DACH2: variants seen among roughly 807,000 people sequenced by gnomAD.
The protein encoded by DACH2 is dachshund family transcription factor 2, also known as dachshund homolog 2.
In DACH2, 17 loss-of-function variants were observed where a neutral mutation model predicts 35.8. The ratio of observed to expected loss-of-function variants is 0.48; its 90% CI spans 0.33 to 0.71. The LOEUF (loss-of-function observed/expected upper bound fraction) is 0.71. Among genes scored for constraint, DACH2 ranks in the 30% least tolerant of loss-of-function variants. DACH2 has a pLI of 0.02. For synonymous variants in DACH2, 195 were observed against 177.3 expected (o/e 1.10, Z -0.79); for missense variants, 469 against 472.7 (o/e 0.99, Z 0.07).
chrX:86,622,275 A>G (rs1307899231), intron 3 of DACH2, among the ~76,000 whole-genome samples: 1 of 111,965 alleles, frequency 8.9e-6, no homozygotes, highest in Non-Finnish European at 1.9e-5. Context: ...TATTTATTTT[A>G]TTTCATTTTC....
chrX:86,161,216 T>A (rs2030743231), intron 1 of DACH2: 12 of 1,184,951 alleles, frequency 1.0e-5, no homozygotes, highest in Non-Finnish European at 1.2e-5. Flanking sequence ...CAATTAGTTG[T>A]TTCACATCCA....
intron 1 of DACH2, among the ~76,000 whole-genome samples, chrX:86,361,384 A>C (rs1376717153): frequency 9.0e-6 from 1 of 111,611 alleles, no homozygotes; most frequent in Non-Finnish European, 1.9e-5. Flanking sequence ...TTTTCATTTC[A>C]TTATTTTATA....
chrX:86,293,733 A>T (rs1569334856), intron 1 of DACH2, among the ~76,000 whole-genome samples: 1 of 111,020 alleles, frequency 9.0e-6, no homozygotes. Flanking sequence ...CTTTTCTTTA[A>T]GAATGTTGAA....
intron 6 of DACH2, among the ~76,000 whole-genome samples, chrX:86,731,671 A>T (rs1224637218): frequency 2.7e-5 from 3 of 111,924 alleles, no homozygotes; most frequent in African/African-American, 9.7e-5. Context: ...TCAGCATGTA[A>T]ATATTGGTAA....
chrX:86,380,575 CT>C (rs2036031405), intron 2 of DACH2, among the ~76,000 whole-genome samples: 1 of 110,305 alleles, frequency 9.1e-6, no homozygotes, highest in East Asian at 2.9e-4. Context: ...CTGAGAAAAA[CT>C]TGTGGATCAA....
At position 86,813,192 on chromosome X, in the gene DACH2, G is replaced by T. The variant is rs1191515074; in HGVS notation, c.1452G>T (p.Lys484Asn). 8.3e-7 allele frequency: 1 copy of T among 1,207,754 alleles called. No homozygotes were observed. The highest frequency in any genetic ancestry group is 1.8e-5 in the South Asian group (1 of 56,191). Reference sequence around the variant, plus strand: ...AGGAGAAGCAGATTCAACAAGAAAAGAAGGAGCTGCGACTGGAGCTCTATA... The same window carrying T: ...AGGAGAAGCAGATTCAACAAGAAAATAAGGAGCTGCGACTGGAGCTCTATA... ...RIQEKQIQQE[K>N]KELRLELYRE... Residue 484 changes from lysine to asparagine, a missense_variant, in exon 9 of 12, where the codon AAG becomes AAT. Around this residue, in one of 3 missense-constraint regions of DACH2, gnomAD observed 363 missense variants for 334.4 expected, o/e 1.09. Transcript: ENST00000373125.
chrX:86,463,201 G>A (rs1431922655), intron 2 of DACH2, among the ~76,000 whole-genome samples: 1 of 110,212 alleles, frequency 9.1e-6, no homozygotes, highest in Non-Finnish European at 1.9e-5. Flanking sequence ...ATATTTTCTT[G>A]TATAAGATGA....
intron 1 of DACH2, among the ~76,000 whole-genome samples, chrX:86,317,307 TC>T (rs1336362159): frequency 2.7e-5 from 3 of 110,555 alleles, no homozygotes; most frequent in Non-Finnish European, 5.7e-5. Context: ...TCTTACTTTC[TC>T]CAAAAAAACG....
At chrX:86,299,048 A>G (rs2034522671) in intron 1 of DACH2, among the ~76,000 whole-genome samples, 1 of 111,826 alleles carries the variant, frequency 8.9e-6, no homozygotes, top group African/African-American at 3.2e-5. Flanking sequence ...CTTAATTTGT[A>G]TCTTTAGATT....
intron 1 of DACH2, among the ~76,000 whole-genome samples, chrX:86,321,811 G>A (rs186216047): frequency 2.7e-4 from 30 of 112,374 alleles, no homozygotes; most frequent in East Asian, 1.7e-3. Flanking sequence ...TGGAAAGCCT[G>A]TATATATTTA....
chrX:86,817,675 T>G (rs750694874), intron 11 of DACH2, among the ~76,000 whole-genome samples: 21 of 111,878 alleles, frequency 1.9e-4, no homozygotes, highest in African/African-American at 6.8e-4. Context: ...GTAACATCTT[T>G]CTTAACTCTG....
chrX:86,700,233 T>C (rs767667773), intron 5 of DACH2, among the ~76,000 whole-genome samples: 2 of 111,547 alleles, frequency 1.8e-5, no homozygotes, highest in South Asian at 7.4e-4. Flanking sequence ...GTGTATTCTG[T>C]TGTCTTTGGT....
At chrX:86,528,926 T>C (rs1423030266) in intron 3 of DACH2, among the ~76,000 whole-genome samples, 1 of 112,540 alleles carries the variant, frequency 8.9e-6, no homozygotes, top group African/African-American at 3.2e-5. Flanking sequence ...ATTTATCATT[T>C]CTATGTGTTG....
At chrX:86,726,686 AC>A (rs1569474479) in intron 6 of DACH2, among the ~76,000 whole-genome samples, 2 of 111,556 alleles carry the variant, frequency 1.8e-5, no homozygotes, top group Admixed American at 1.9e-4. Context: ...CTGGAGCAAC[AC>A]CTCTGCACAA....
At chrX:86,378,276 A>T (rs1255883922) in intron 2 of DACH2, among the ~76,000 whole-genome samples, 1 of 110,096 alleles carries the variant, frequency 9.1e-6, no homozygotes, top group Admixed American at 9.8e-5. Context: ...CATTTATTGC[A>T]ATCAGAGAAA....
intron 1 of DACH2, among the ~76,000 whole-genome samples, chrX:86,328,140 T>C (rs1005971449): frequency 4.5e-5 from 5 of 111,671 alleles, no homozygotes; most frequent in Non-Finnish European, 7.5e-5. Context: ...ACTCCAAGCA[T>C]ACTAACTTTC....
intron 2 of DACH2, among the ~76,000 whole-genome samples, chrX:86,399,885 GT>G (rs1417591704): frequency 9.0e-6 from 1 of 111,207 alleles, no homozygotes; most frequent in Non-Finnish European, 1.9e-5. Flanking sequence ...TCTGGAGTAT[GT>G]TTGTGGCGTT....
chrX:86,681,285 T>A (rs1292395025), intron 4 of DACH2, among the ~76,000 whole-genome samples: 4 of 111,079 alleles, frequency 3.6e-5, no homozygotes, highest in African/African-American at 1.3e-4. Context: ...GTTCAGGAAT[T>A]GAGTATAATA....
chrX:86,603,318 T>A (rs1438517131), intron 3 of DACH2, among the ~76,000 whole-genome samples: 3 of 111,316 alleles, frequency 2.7e-5, no homozygotes, highest in Non-Finnish European at 3.8e-5. Context: ...TTTGAGGTAC[T>A]GAGGGTTAGG....
Sources: allele counts gnomAD v4.1 joint callset (sites outside exome capture counted in the v4.1 genomes callset), GRCh38; gene constraint gnomAD v4.1.1; regional missense constraint gnomAD v4.1.1; transcripts MANE v1.5; gene names NCBI Gene and HGNC (gene_info 2026-07-23, HGNC 2026-07-21).